The following MIA2 variants were observed in gnomAD, a reference collection of about 807,000 sequenced individuals.
The protein encoded by MIA2 is melanoma inhibitory activity protein 2.
MIA2 carries 127 observed loss-of-function variants against 167.8 expected under a neutral mutation model. The ratio of observed to expected loss-of-function variants is 0.76; its 90% CI spans 0.66 to 0.88. The LOEUF (loss-of-function observed/expected upper bound fraction) is 0.88. Among genes scored for constraint, MIA2 ranks in the 40% least tolerant of loss-of-function variants. The pLI, the probability that MIA2 is intolerant of heterozygous loss-of-function variation, is 0.00. For synonymous variants in MIA2, 552 were observed against 541.9 expected (o/e 1.02, Z -0.26); for missense variants, 1,690 against 1,624.7 (o/e 1.04, Z -0.69).
chr14:39,299,480 G>T (rs938588263), intron 13 of MIA2, among the ~76,000 whole-genome samples: 23 of 151,656 alleles, frequency 1.5e-4, no homozygotes, highest in Admixed American at 1.3e-4. Context: ...GCTAATTTTT[G>T]TGTTTTAGTA....
chr14:39,324,150 T>TG (rs1420443195), intron 24 of MIA2, among the ~76,000 whole-genome samples: 9 of 152,170 alleles, frequency 5.9e-5, no homozygotes, highest in Non-Finnish European at 1.5e-5. Context: ...CATTAGAACT[T>TG]TTAGGTTTGT....
intron 3 of MIA2, 86 bp from the exon 4 acceptor site, chr14:39,246,825 C>A: frequency 1.4e-6 from 1 of 731,266 alleles, no homozygotes; most frequent in Non-Finnish European, 2.1e-6. Context: ...TTGGGAATAT[C>A]ACAATCATCC....
intron 10 of MIA2, among the ~76,000 whole-genome samples, chr14:39,292,080 A>G (rs1372713536): frequency 6.6e-6 from 1 of 152,212 alleles, no homozygotes; most frequent in Non-Finnish European, 1.5e-5. Context: ...GATTCCAAAT[A>G]AGTTTCTTAA....
rs2073939116 is a variant in MIA2 at position 39,348,800 on chromosome 14, T to C, written c.3895T>C (p.Phe1299Leu). The C allele has an allele frequency of 4.3e-6, 7 of 1,613,958 alleles. No homozygotes were observed. Among genetic ancestry groups the C allele is most frequent in the Non-Finnish European group, 5.9e-6 (7 of 1,179,926 alleles). ...TGAAAATGAAGCCACTGGCCCTGGC[T>C]TTGTTCCTCCACCTCTTGCTCCAAT... is the stretch of plus-strand genomic sequence containing the variant. ...PAENEATGPGFVPPPLAPIRG... is the reference protein window; with the variant it reads ...PAENEATGPGLVPPPLAPIRG... The change falls in exon 28 of 29, where the codon TTT becomes CTT. Residue 1299 changes from phenylalanine to leucine, a missense_variant. By Grantham distance (22) the Phe-to-Leu change is conservative (BLOSUM62 0). Transcript: ENST00000640607.
chr14:39,322,977 T>C (rs893714642), intron 24 of MIA2, among the ~76,000 whole-genome samples: 1 of 152,144 alleles, frequency 6.6e-6, no homozygotes, highest in Non-Finnish European at 1.5e-5. Flanking sequence ...CCAAATTAAA[T>C]CCAACAAATC....
chr14:39,272,372 T>A (rs2057308056), intron 6 of MIA2, among the ~76,000 whole-genome samples: 1 of 151,098 alleles, frequency 6.6e-6, no homozygotes, highest in Admixed American at 6.6e-5. Flanking sequence ...AAAAGAAAAC[T>A]TATTAGTAAA....
At position 39,247,991 on chromosome 14, in the gene MIA2, A is replaced by G. The variant is rs773613429; in HGVS notation, c.1417A>G (p.Ile473Val). Residue 473 changes from isoleucine (I) to valine (V), a missense_variant, in exon 4 of 29, where the codon ATT (isoleucine) becomes GTT (valine). Transcript: ENST00000640607. ...NFDNPWNFQNIPKETELPFPK... is the reference protein window; with the variant it reads ...NFDNPWNFQNVPKETELPFPK... Reference sequence around the variant, plus strand: ...TGACAACCCTTGGAACTTCCAGAACATTCCAAAGGAAACAGAATTGCCATT... The same window carrying G: ...TGACAACCCTTGGAACTTCCAGAACGTTCCAAAGGAAACAGAATTGCCATT... The G allele has an allele frequency of 9.5e-6, 15 of 1,584,154 alleles. No individual in the cohort carries two copies. In the African/African-American group the frequency reaches 1.4e-4, roughly 14 times the overall value.
At chr14:39,346,091 A>T in intron 26 of MIA2, 65 bp downstream of exon 26, 1 of 1,374,496 alleles carries the variant, frequency 7.3e-7, no homozygotes, top group Non-Finnish European at 1.0e-6. Flanking sequence ...ACTGGAAGTT[A>T]GAATAAAGAC....
At chr14:39,267,044 A>T in intron 6 of MIA2, 2 of 1,030,744 alleles carry the variant, frequency 1.9e-6, no homozygotes, top group Non-Finnish European at 2.3e-6. Flanking sequence ...CGCCAGGTAG[A>T]GCGCCGGCCC....
intron 6 of MIA2, 157 bp from the exon 7 acceptor site, chr14:39,276,777 G>T: frequency 1.5e-6 from 1 of 677,032 alleles, no homozygotes; most frequent in Admixed American, 3.0e-5. Context: ...TGGCGATAGT[G>T]ATTGAAAGTT....
chr14:39,384,783 C>T (rs537347282), intron 23 of MIA2, among the ~76,000 whole-genome samples: 4 of 152,206 alleles, frequency 2.6e-5, no homozygotes, highest in South Asian at 2.1e-4. Context: ...TACATGTGCA[C>T]GCGCACACTC....
At chr14:39,325,112 A>G (rs1238885245) in intron 24 of MIA2, among the ~76,000 whole-genome samples, 3 of 152,038 alleles carry the variant, frequency 2.0e-5, no homozygotes, top group Admixed American at 6.6e-5. Flanking sequence ...TGTCCCAGCT[A>G]CTTGTAAGGC....
At chr14:39,245,406 C>A (rs1828442522) in intron 3 of MIA2, among the ~76,000 whole-genome samples, 1 of 151,764 alleles carries the variant, frequency 6.6e-6, no homozygotes. Context: ...AAAAAAAAAT[C>A]CCATAGTATT....
intron 23 of MIA2, among the ~76,000 whole-genome samples, chr14:39,361,950 G>GT (rs1201132299): frequency 6.6e-6 from 1 of 152,056 alleles, no homozygotes; most frequent in African/African-American, 2.4e-5. Context: ...GAGATGATCT[G>GT]TTTTTTGTCC....
intron 23 of MIA2, among the ~76,000 whole-genome samples, chr14:39,381,033 A>C (rs542385769): frequency 3.3e-5 from 5 of 152,100 alleles, no homozygotes; most frequent in South Asian, 2.1e-4. Context: ...AAAAAAAAAA[A>C]AAACAAAGGT....
chr14:39,360,139 TA>T (rs1221877349), intron 23 of MIA2, among the ~76,000 whole-genome samples: 1 of 151,934 alleles, frequency 6.6e-6, no homozygotes, highest in Non-Finnish European at 1.5e-5. Flanking sequence ...CTGTCTCTAC[TA>T]AAAATACAAA....
Position 39,367,480 on chromosome 14 carries a change from A to T in MIA2, c.2248+18503A>T, listed in dbSNP as rs117870923. Among the ~76,000 whole-genome samples, 67 of 152,306 alleles carry T rather than the reference A, an allele frequency of 4.4e-4. 1 individual carries two copies. In the East Asian group the frequency reaches 0.013, roughly 29 times the overall value. ...CAATGCTAACGTGCTATGTCTAGGC[A>T]GCTCCTTATGCTAGCTAGTCTGAGG... is the stretch of plus-strand genomic sequence containing the variant. On this transcript the variant is annotated intron_variant, in intron 23 of 23. Transcript: ENST00000341502.
chr14:39,362,639 G>C (rs988537772), intron 23 of MIA2, among the ~76,000 whole-genome samples: 3 of 151,502 alleles, frequency 2.0e-5, no homozygotes, highest in Admixed American at 2.0e-4. Flanking sequence ...CCAACTTTTT[G>C]CTTCACTAAT....
At chr14:39,347,587 T>C (rs1347525100) in intron 26 of MIA2, 126 bp from the exon 27 acceptor site, 2 of 854,344 alleles carry the variant, frequency 2.3e-6, no homozygotes, top group Non-Finnish European at 3.8e-6. Context: ...CAATATAGGA[T>C]ATTGGTGTCC....
Sources: gnomAD v4.1 joint callset for allele counts (sites outside exome capture counted in the v4.1 genomes callset) on GRCh38, gnomAD v4.1.1 for gene constraint, MANE v1.5 for transcripts, NCBI Gene and HGNC (gene_info 2026-07-23, HGNC 2026-07-21) for gene names.